COL11A1: variants seen among roughly 807,000 people sequenced by gnomAD.
The protein encoded by COL11A1 is collagen type XI alpha 1 chain.
Under a neutral mutation model 265.2 loss-of-function variants are expected in COL11A1, and 74 were observed. The ratio of observed to expected loss-of-function variants is 0.28; its 90% CI spans 0.23 to 0.34. The LOEUF (loss-of-function observed/expected upper bound fraction) is 0.34. Ranked by LOEUF, COL11A1 falls within the 10% of genes least tolerant of loss-of-function variation. COL11A1 has a pLI of 1.00. For synonymous variants in COL11A1, 816 were observed against 727.6 expected, an observed-to-expected ratio of 1.12 and a Z score of -1.96; for missense variants, 2,165 against 2,263.6, an observed-to-expected ratio of 0.96 and a Z score of 0.88.
intron 36 of COL11A1, among the ~76,000 whole-genome samples, chr1:102,971,400 A>C (rs1034665768): frequency 1.8e-4 from 28 of 152,292 alleles, no homozygotes; most frequent in Admixed American, 7.8e-4. Flanking sequence ...ACCATTACGT[A>C]TCAAGTTCAA....
chr1:102,900,785 T>C (rs1336073374), intron 54 of COL11A1, among the ~76,000 whole-genome samples: 1 of 152,172 alleles, frequency 6.6e-6, no homozygotes, highest in Non-Finnish European at 1.5e-5. Flanking sequence ...TCTAAATAAT[T>C]TCTTCCTTCT....
chr1:103,091,172 C>A (rs1327934407), intron 1 of COL11A1, among the ~76,000 whole-genome samples: 2 of 152,130 alleles, frequency 1.3e-5, no homozygotes, highest in East Asian at 3.9e-4. Flanking sequence ...CACAGCGGGC[C>A]TCATCTAAGC....
At chr1:102,941,308 T>G (rs1468064793) in intron 42 of COL11A1, among the ~76,000 whole-genome samples, 2 of 152,184 alleles carry the variant, frequency 1.3e-5, no homozygotes, top group African/African-American at 4.8e-5. Context: ...TCTGAGCTAC[T>G]GAAAAAAACC....
intron 37 of COL11A1, among the ~76,000 whole-genome samples, chr1:102,966,904 G>A (rs1331054363): frequency 6.6e-6 from 1 of 152,082 alleles, no homozygotes; most frequent in East Asian, 1.9e-4. Context: ...TGTATATCAT[G>A]CTCTCTCTTC....
chr1:103,023,096 C>A, intron 7 of COL11A1, 100 bp from the exon 8 acceptor site: 1 of 1,280,702 alleles, frequency 7.8e-7, no homozygotes, highest in African/African-American at 1.5e-5. Context: ...TGATGGGATG[C>A]GATTTTGTTA....
Position 102,937,189 on chromosome 1 carries a change from A to C in COL11A1, c.3438+1846T>G, listed in dbSNP as rs571367129. 1.2e-4 allele frequency among the ~76,000 whole-genome samples: 18 copies of C among 152,306 alleles called. No homozygotes were observed. In the South Asian group the frequency reaches 3.3e-3, roughly 28 times the overall value. Reference sequence around the variant, plus strand: ...TCATTCATATGATAGTAACCCACATAGACAAAAGCTTTTTGGGCTCCTAAA... The same window carrying C: ...TCATTCATATGATAGTAACCCACATCGACAAAAGCTTTTTGGGCTCCTAAA... On this transcript the variant is annotated intron_variant, in intron 44 of 66. Coordinates refer to ENST00000370096, the MANE Select transcript of COL11A1 (RefSeq NM_001854.4).
intron 4 of COL11A1, among the ~76,000 whole-genome samples, chr1:103,071,151 T>C (rs907132024): frequency 4.6e-5 from 7 of 152,004 alleles, no homozygotes; most frequent in Non-Finnish European, 1.0e-4. Flanking sequence ...TCATATGTCA[T>C]ATTCTACTCA....
chr1:102,904,448 TG>T, intron 54 of COL11A1, among the ~76,000 whole-genome samples: 1 of 151,986 alleles, frequency 6.6e-6, no homozygotes, highest in Non-Finnish European at 1.5e-5. Context: ...ACCTACAGAA[TG>T]GGAGAAAATT....
intron 14 of COL11A1, among the ~76,000 whole-genome samples, chr1:103,010,556 A>G (rs1666021949): frequency 6.6e-6 from 1 of 152,192 alleles, no homozygotes; most frequent in South Asian, 2.1e-4. Context: ...TAATGAAAAT[A>G]AGAACTGCTA....
At chr1:102,985,089 A>G (rs1663408400) in intron 30 of COL11A1, among the ~76,000 whole-genome samples, 1 of 152,012 alleles carries the variant, frequency 6.6e-6, no homozygotes, top group Non-Finnish European at 1.5e-5. Context: ...TTTACTGTGC[A>G]TCCATTTACC....
Position 103,001,952 on chromosome 1 carries a change from T to C in COL11A1, c.2115A>G (p.Gln705=), listed in dbSNP as rs544663655. The change falls in exon 24 of 67, where the codon CAA becomes CAG. Residue 705 remains glutamine, a synonymous_variant. Transcript: ENST00000370096. ...NPGPQGLPGP[Q]GPIGPPGEKG... Reference sequence around the variant, plus strand: ...TTTCACCAGGAGGACCAATTGGACCTTGTGGACCAGGAAGACCCTATTTTA... The same window carrying C: ...TTTCACCAGGAGGACCAATTGGACCCTGTGGACCAGGAAGACCCTATTTTA... 482 of 1,613,236 alleles carry C rather than the reference T, an allele frequency of 3.0e-4. 6 individuals carry two copies. The South Asian group carries it at 5.0e-3, about 17-fold the overall frequency.
intron 4 of COL11A1, among the ~76,000 whole-genome samples, chr1:103,048,439 C>T (rs1263944410): frequency 3.3e-5 from 5 of 152,026 alleles, no homozygotes; most frequent in Admixed American, 1.3e-4. Flanking sequence ...TCTGTGGGAT[C>T]GGTGGTGATA....
At chr1:103,058,756 A>T (rs962015519) in intron 4 of COL11A1, among the ~76,000 whole-genome samples, 3 of 152,188 alleles carry the variant, frequency 2.0e-5, no homozygotes, top group Admixed American at 6.5e-5. Context: ...CAAAACATTT[A>T]TCACTTAAGT....
chr1:103,007,512 T>G (rs1388337491), intron 15 of COL11A1, among the ~76,000 whole-genome samples: 1 of 152,058 alleles, frequency 6.6e-6, no homozygotes, highest in Non-Finnish European at 1.5e-5. Flanking sequence ...TTTGAAAATA[T>G]AAATAATTTT....
chr1:102,933,960 C>T (rs896027945), intron 46 of COL11A1, among the ~76,000 whole-genome samples: 3 of 152,248 alleles, frequency 2.0e-5, no homozygotes, highest in South Asian at 2.1e-4. Context: ...GCACACGGTG[C>T]GCGCACCCAC....
At chr1:102,955,485 G>A (rs1281757109) in intron 41 of COL11A1, among the ~76,000 whole-genome samples, 2 of 152,080 alleles carry the variant, frequency 1.3e-5, no homozygotes, top group Admixed American at 6.5e-5. Context: ...TATACTTTCT[G>A]CATGTTAACT....
At chr1:103,043,897 T>A (rs1407706034) in intron 4 of COL11A1, among the ~76,000 whole-genome samples, 1 of 152,078 alleles carries the variant, frequency 6.6e-6, no homozygotes, top group African/African-American at 2.4e-5. Context: ...TGTGCCAGTG[T>A]AAAATAAATA....
chr1:102,920,217 A>G (rs1655817482), intron 49 of COL11A1, 94 bp downstream of exon 49: 1 of 1,117,002 alleles, frequency 9.0e-7, no homozygotes, highest in Non-Finnish European at 1.4e-6. Flanking sequence ...AAAGGCTTAG[A>G]AACACACATA....
At chr1:103,052,051 C>T (rs541570918) in intron 4 of COL11A1, among the ~76,000 whole-genome samples, 24 of 152,206 alleles carry the variant, frequency 1.6e-4, no homozygotes, top group Non-Finnish European at 2.9e-4. Context: ...TCCTCCCTCC[C>T]ATTACCTCTC....
Sources: gnomAD v4.1 joint callset for allele counts (sites outside exome capture counted in the v4.1 genomes callset) on GRCh38, gnomAD v4.1.1 for gene constraint, MANE v1.5 for transcripts, NCBI Gene and HGNC (gene_info 2026-07-23, HGNC 2026-07-21) for gene names.